Variants in ENKUR observed in about 807,000 individuals in gnomAD.
ENKUR encodes enkurin.
A neutral mutation model predicts 27.6 loss-of-function variants in ENKUR; 19 were observed. That is an observed-to-expected ratio of 0.69 (90% CI 0.48 to 1.01). ENKUR has a LOEUF of 1.01. Among genes scored for constraint, ENKUR ranks in the 50% least tolerant of loss-of-function variants. ENKUR has a pLI of 0.00. For missense variants in ENKUR, 312 were observed against 310.5 expected, an observed-to-expected ratio of 1.00 and a Z score of -0.04; for synonymous variants, 117 against 96.9, an observed-to-expected ratio of 1.21 and a Z score of -1.22.
chr10:24,988,046 C>T (rs1421474967), intron 4 of ENKUR, among the ~76,000 whole-genome samples: 1 of 151,650 alleles, frequency 6.6e-6, no homozygotes, highest in Non-Finnish European at 1.5e-5. Context: ...CACAGCGAAA[C>T]CCCATCTTTA....
At chr10:24,984,473 A>G in intron 5 of ENKUR, 97 bp from the exon 6 acceptor site, 1 of 1,365,688 alleles carries the variant, frequency 7.3e-7, no homozygotes, top group Non-Finnish European at 9.9e-7. Flanking sequence ...ACATAATAAT[A>G]ATGAATTACA....
intron 2 of ENKUR, among the ~76,000 whole-genome samples, chr10:25,032,246 ACTTTT>A (rs779582966): frequency 2.7e-5 from 4 of 149,566 alleles, no homozygotes; most frequent in Non-Finnish European, 5.9e-5. Flanking sequence ...TATCTGTAGG[ACTTTT>A]CTTTTAGCCT....
At chr10:25,021,119 A>G (rs1426496623), upstream of ENKUR, among the ~76,000 whole-genome samples, 1 of 152,194 alleles carries the variant, frequency 6.6e-6, no homozygotes, top group Non-Finnish European at 1.5e-5. Flanking sequence ...CATAAAAAAA[A>G]TGCACCCTGC....
At chr10:25,002,699 T>C (rs930149427) in intron 1 of ENKUR, among the ~76,000 whole-genome samples, 4 of 152,206 alleles carry the variant, frequency 2.6e-5, no homozygotes, top group Admixed American at 2.0e-4. Context: ...TTCTTCCTTA[T>C]GTAGATAAAT....
intron 2 of ENKUR, among the ~76,000 whole-genome samples, chr10:25,059,281 G>A (rs963019118): frequency 1.3e-5 from 2 of 151,410 alleles, no homozygotes; most frequent in South Asian, 2.1e-4. Flanking sequence ...ACAGGTGCCC[G>A]CCACCACACC....
intron 2 of ENKUR, chr10:25,024,289 C>T: frequency 6.2e-7 from 1 of 1,614,194 alleles, no homozygotes. Context: ...TTTGTCTTTA[C>T]AGCTTATGCC....
At chr10:25,060,295 G>A (rs1463735423) in intron 2 of ENKUR, among the ~76,000 whole-genome samples, 1 of 152,164 alleles carries the variant, frequency 6.6e-6, no homozygotes, top group Non-Finnish European at 1.5e-5. Flanking sequence ...AACAGGCTCC[G>A]GAGGAGGAAT....
chr10:24,999,541 A>T lies in ENKUR; in HGVS notation c.83T>A (p.Ile28Lys), dbSNP rs41279884. The T allele has an allele frequency of 3.7e-3, 5,986 of 1,604,076 alleles. 45 individuals are homozygous for T. Among genetic ancestry groups the T allele is most frequent in the Non-Finnish European group, 3.3e-3 (3,936 of 1,177,096 alleles). The change falls in exon 2 of 6, where the codon ATA becomes AAA. Residue 28 changes from isoleucine (I) to lysine (K), a missense_variant. Transcript: ENST00000331161. ...TTTTACAGTTGCCTTAAAAATGGAT[A>T]TGTACCTAAAATTGAATTTTAAAAG... ...LKEPPQPPRYISIFKATVKDD... is the reference protein window; with the variant it reads ...LKEPPQPPRYKSIFKATVKDD...
rs551784224 is a variant in ENKUR at position 24,986,739 on chromosome 10, C to T, written c.595-1834G>A. The stretch of plus-strand genomic sequence containing the variant: ...ACAATAACGTTTGGATCAAAGTCAA[C>T]AGCCAGGGATGGAAACTAAATGTAG... On this transcript the variant is annotated intron_variant, in intron 4 of 5. Coordinates refer to ENST00000331161, the MANE Select transcript of ENKUR (RefSeq NM_145010.4). Among the ~76,000 whole-genome samples the T allele has an allele frequency of 3.3e-5, 5 of 152,278 alleles. No individual in the cohort carries two copies. The East Asian group carries it at 9.6e-4, about 29-fold the overall frequency.
At chr10:25,007,434 G>A (rs913548361) in intron 1 of ENKUR, among the ~76,000 whole-genome samples, 22 of 151,840 alleles carry the variant, frequency 1.4e-4, no homozygotes, top group South Asian at 4.2e-4. Flanking sequence ...TTATTTATTT[G>A]TTTGTTTGTT....
At chr10:25,026,257 A>T (rs557269103) in intron 2 of ENKUR, 2 of 167,018 alleles carry the variant, frequency 1.2e-5, no homozygotes, top group South Asian at 4.1e-4. Flanking sequence ...CAAATTAAAG[A>T]TGTACTCTGT....
chr10:25,046,316 A>G (rs1443740307), intron 2 of ENKUR, among the ~76,000 whole-genome samples: 1 of 152,204 alleles, frequency 6.6e-6, no homozygotes, highest in Non-Finnish European at 1.5e-5. Context: ...AAAAAAGTTC[A>G]CAACCAGTAG....
chr10:25,011,630 C>G (rs1850446477), intron 1 of ENKUR, among the ~76,000 whole-genome samples: 1 of 152,074 alleles, frequency 6.6e-6, no homozygotes, highest in Admixed American at 6.5e-5. Context: ...CATAAAGACC[C>G]TAGAAGAAAA....
chr10:25,040,523 A>G (rs1851051711), intron 2 of ENKUR, among the ~76,000 whole-genome samples: 1 of 150,796 alleles, frequency 6.6e-6, no homozygotes, highest in South Asian at 2.1e-4. Flanking sequence ...GGCGCCTGCC[A>G]CCACGCCCGG....
chr10:25,005,661 C>T (rs374451028), intron 1 of ENKUR, among the ~76,000 whole-genome samples: 3 of 152,206 alleles, frequency 2.0e-5, no homozygotes, highest in African/African-American at 7.2e-5. Flanking sequence ...AGTCCACCTA[C>T]AGACTTGAAA....
At chr10:24,985,011 A>T in intron 4 of ENKUR, 106 bp from the exon 5 acceptor site, 1 of 866,356 alleles carries the variant, frequency 1.2e-6, no homozygotes, top group Admixed American at 2.7e-5. Flanking sequence ...AAAGAAACTG[A>T]CAAAAATAAC....
At chr10:24,984,502 T>C in intron 5 of ENKUR, 126 bp from the exon 6 acceptor site, 4 of 1,259,470 alleles carry the variant, frequency 3.2e-6, no homozygotes, top group Non-Finnish European at 4.3e-6. Context: ...CTGGAACACA[T>C]ATTCTCAAAT....
At chr10:25,041,739 A>G (rs1851066614) in intron 2 of ENKUR, among the ~76,000 whole-genome samples, 1 of 152,094 alleles carries the variant, frequency 6.6e-6, no homozygotes, top group Admixed American at 6.5e-5. Context: ...TTTCAGTTCT[A>G]AATCTCCCAT....
intron 2 of ENKUR, among the ~76,000 whole-genome samples, chr10:25,050,398 C>T (rs976341278): frequency 6.6e-6 from 1 of 152,188 alleles, no homozygotes; most frequent in African/African-American, 2.4e-5. Flanking sequence ...GGAGGCCTCA[C>T]AATCGTGCAG....
Sources: allele counts gnomAD v4.1 joint callset (sites outside exome capture counted in the v4.1 genomes callset), GRCh38; gene constraint gnomAD v4.1.1; transcripts MANE v1.5; gene names NCBI Gene and HGNC (gene_info 2026-07-23, HGNC 2026-07-21).